The following GCSAML variants were observed in gnomAD, a reference collection of about 807,000 sequenced individuals.
The protein encoded by GCSAML is germinal center-associated signaling and motility-like protein.
A neutral mutation model predicts 13.0 loss-of-function variants in GCSAML; 9 were observed. The observed-to-expected ratio is 0.69, with a 90% CI of 0.42 to 1.21. The LOEUF (loss-of-function observed/expected upper bound fraction) is 1.21. Among genes scored for constraint, GCSAML ranks in the 50% most tolerant of loss-of-function variants. GCSAML has a pLI of 0.00. For synonymous variants in GCSAML, 37 were observed against 52.9 expected (o/e 0.70, Z 1.31); for missense variants, 143 against 153.4 (o/e 0.93, Z 0.36).
At chr1:247,553,515 C>A (rs1325653583) in intron 1 of GCSAML, among the ~76,000 whole-genome samples, 2 of 152,032 alleles carry the variant, frequency 1.3e-5, no homozygotes, top group Non-Finnish European at 2.9e-5. Context: ...ATCAAGGTTG[C>A]TGTATATTTT....
At position 247,574,322 on chromosome 1, in the gene GCSAML, T is replaced by C; in HGVS notation, c.348T>C (p.Ser116=). 6.2e-7 allele frequency: 1 copy of C among 1,614,122 alleles called. No homozygotes were observed. Among genetic ancestry groups the C allele is most frequent in the Non-Finnish European group, 8.5e-7 (1 of 1,180,000 alleles). Residue 116 remains serine, a synonymous_variant, in exon 5 of 5, where the codon TCT becomes TCC. Transcript: ENST00000366488. The part of the protein sequence containing the change: ...SETEYALLRT[S]VSRPCSCTHE... ...CAGAATATGCCCTTCTTAGGACTTC[T>C]GTTAGTAGGCCTTGTTCCTGCACCC...
chr1:247,531,464 A>AT (rs1666948414), intron 2 of GCSAML: 4 of 1,396,986 alleles, frequency 2.9e-6, no homozygotes, highest in Non-Finnish European at 2.9e-6. Flanking sequence ...TATTAGAAGA[A>AT]AAACGACATC....
At chr1:247,565,307 G>A (rs868828604) in intron 3 of GCSAML, among the ~76,000 whole-genome samples, 5 of 151,538 alleles carry the variant, frequency 3.3e-5, no homozygotes, top group South Asian at 2.1e-4. Flanking sequence ...GCAGTGAGCC[G>A]AGATAGCACC....
At chr1:247,563,817 T>C (rs1668232782) in intron 3 of GCSAML, among the ~76,000 whole-genome samples, 178 bp downstream of exon 3, 1 of 152,186 alleles carries the variant, frequency 6.6e-6, no homozygotes, top group Admixed American at 6.5e-5. Context: ...TTGTATATTA[T>C]TTTTTGAGTG....
At chr1:247,567,182 T>G (rs911863805) in intron 4 of GCSAML, among the ~76,000 whole-genome samples, 3 of 151,846 alleles carry the variant, frequency 2.0e-5, no homozygotes, top group African/African-American at 7.2e-5. Context: ...ATTTTTACTT[T>G]AAGTTCTGGG....
At position 247,574,517 on chromosome 1, in the gene GCSAML, T is replaced by C; in HGVS notation, c.*135T>C. 1 of 959,628 alleles carries C rather than the reference T, an allele frequency of 1.0e-6. No homozygotes were observed. The highest frequency in any genetic ancestry group is 1.5e-6 in the Non-Finnish European group (1 of 653,962). 59.4% of individuals were successfully genotyped at this position (959,628 alleles called of 1,614,324 possible). ...AGTTTAGAAATATTATCTTATTATA[T>C]ATCCTTAGGCAACTCTGATATGTGG... On this transcript the variant is annotated 3_prime_UTR_variant, in exon 5 of 5. Transcript: ENST00000366488.
chr1:247,570,779 C>G (rs1042533722), intron 4 of GCSAML, among the ~76,000 whole-genome samples: 1 of 152,098 alleles, frequency 6.6e-6, no homozygotes, highest in Non-Finnish European at 1.5e-5. Context: ...TCTTCTGTCT[C>G]GTTGATCTGT....
At chr1:247,565,891 C>T in intron 3 of GCSAML, 40 bp from the exon 4 acceptor site, 1 of 1,496,250 alleles carries the variant, frequency 6.7e-7, no homozygotes, top group Non-Finnish European at 9.0e-7. Flanking sequence ...TCTCACAGTG[C>T]TTTCCTTTCT....
At chr1:247,529,850 G>C (rs1666844997) in intron 2 of GCSAML, 1 of 150,686 alleles carries the variant, frequency 6.6e-6, no homozygotes, top group South Asian at 2.1e-4. Context: ...AGAAAAGACT[G>C]ACCTGCTTCC....
chr1:247,563,926 C>A (rs1240926434), intron 3 of GCSAML, among the ~76,000 whole-genome samples: 5 of 151,116 alleles, frequency 3.3e-5, no homozygotes, highest in Admixed American at 2.6e-4. Flanking sequence ...TATTAGCAGG[C>A]GATAAGAAGT....
chr1:247,560,684 G>C (rs1243892169), intron 2 of GCSAML, among the ~76,000 whole-genome samples: 5 of 151,980 alleles, frequency 3.3e-5, no homozygotes, highest in Admixed American at 2.0e-4. Context: ...TGTATATACG[G>C]TGAAGTGATT....
rs1049186190 is a variant in GCSAML, at chr1:247,577,676, G to A, written c.*3294G>A. The A allele has an allele frequency of 4.6e-5, 7 of 152,148 alleles. No individual in the cohort carries two copies. The highest frequency in any genetic ancestry group is 3.9e-4 in the Admixed American group (6 of 15,254). 9.4% of individuals were successfully genotyped at this position (152,148 alleles called of 1,614,324 possible). A position where few individuals can be genotyped will look rare whatever the true frequency, so the allele number is the denominator to read the frequency against. On this transcript the variant is annotated 3_prime_UTR_variant, in exon 5 of 5. Transcript: ENST00000366488. ...TAAAGTGGCTATAAATGAATAAAGC[G>A]ACTACAAATTTGAATATCTAGGTGT...
At chr1:247,516,790 A>G (rs1340844112) in intron 1 of GCSAML, among the ~76,000 whole-genome samples, 13 of 152,152 alleles carry the variant, frequency 8.5e-5, no homozygotes, top group Admixed American at 8.5e-4. Context: ...AGCCAAAAGG[A>G]GTGATAGTAG....
upstream of GCSAML, among the ~76,000 whole-genome samples, chr1:247,548,670 A>G (rs1018060529): frequency 2.0e-5 from 3 of 152,166 alleles, no homozygotes; most frequent in East Asian, 1.9e-4. This position sits in a 1 kb window ranked among gnomAD's most constrained non-coding sequence, Gnocchi z 5.3. Flanking sequence ...AGAGGACAAC[A>G]TATTTGGAAT....
chr1:247,532,318 G>A, intron 2 of GCSAML: 1 of 1,614,148 alleles, frequency 6.2e-7, no homozygotes, highest in Non-Finnish European at 8.5e-7. Context: ...GGGGAGGTTG[G>A]CAAGAAAGAA....
At chr1:247,549,087 C>A, upstream of GCSAML, 2 of 1,610,958 alleles carry the variant, frequency 1.2e-6, no homozygotes, top group South Asian at 2.2e-5. Context: ...AACCCGTGGT[C>A]AGATGCAACG....
intron 2 of GCSAML, chr1:247,536,254 A>G (rs914377782): frequency 3.9e-5 from 6 of 152,208 alleles, no homozygotes; most frequent in Admixed American, 1.3e-4. Flanking sequence ...GACTGATAAC[A>G]TTCATGAATT....
At chr1:247,563,791 G>T in intron 3 of GCSAML, 152 bp downstream of exon 3, 1 of 448,414 alleles carries the variant, frequency 2.2e-6, no homozygotes, top group South Asian at 6.4e-5. Context: ...CATCATTCTT[G>T]GTATTAAAGT....
At chr1:247,529,612 A>G (rs1666827332) in intron 2 of GCSAML, 2 of 151,926 alleles carry the variant, frequency 1.3e-5, no homozygotes, top group Non-Finnish European at 2.9e-5. Context: ...GCTTCACTTC[A>G]CTGAAAGTTT....
Sources: gnomAD v4.1 joint callset for allele counts (sites outside exome capture counted in the v4.1 genomes callset) on GRCh38, gnomAD v4.1.1 for gene constraint, Gnocchi (gnomAD v3.1) non-coding constraint, MANE v1.5 for transcripts, NCBI Gene and HGNC (gene_info 2026-07-23, HGNC 2026-07-21) for gene names.